PCDH15: variants seen among roughly 807,000 people sequenced by gnomAD.
The protein encoded by PCDH15 is protocadherin related 15, also known as protocadherin-15.
A neutral mutation model predicts 178.5 loss-of-function variants in PCDH15; 129 were observed. The observed-to-expected ratio is 0.72, with a 90% CI of 0.63 to 0.84. The LOEUF (loss-of-function observed/expected upper bound fraction) is 0.84. Ranked by LOEUF, PCDH15 falls within the 40% of genes least tolerant of loss-of-function variation. The pLI is 0.00. For synonymous variants in PCDH15, 800 were observed against 732.0 expected, an observed-to-expected ratio of 1.09 and a Z score of -1.50; for missense variants, 2,230 against 2,099.9, an observed-to-expected ratio of 1.06 and a Z score of -1.21.
At chr10:55,071,053 G>T (rs904352134) in intron 2 of PCDH15, among the ~76,000 whole-genome samples, 2 of 152,110 alleles carry the variant, frequency 1.3e-5, no homozygotes, top group Non-Finnish European at 2.9e-5. Flanking sequence ...AATGCTGAGA[G>T]ATTCTGTCAC....
At chr10:53,930,240 C>T (rs1042100449) in intron 25 of PCDH15, among the ~76,000 whole-genome samples, 3 of 151,822 alleles carry the variant, frequency 2.0e-5, no homozygotes, top group African/African-American at 4.8e-5. Context: ...GGGCAGATCA[C>T]GAGGTCAGGA....
At chr10:53,887,931 T>C (rs962241379) in intron 26 of PCDH15, among the ~76,000 whole-genome samples, 3 of 151,440 alleles carry the variant, frequency 2.0e-5, no homozygotes, top group Non-Finnish European at 4.4e-5. Flanking sequence ...AAACAAAAAC[T>C]AACTCCTAAA....
At chr10:55,147,285 T>C (rs1838545460) in intron 2 of PCDH15, among the ~76,000 whole-genome samples, 1 of 151,478 alleles carries the variant, frequency 6.6e-6, no homozygotes, top group South Asian at 2.1e-4. Flanking sequence ...AGAAAAGAAG[T>C]AAAATTAAGT....
intron 2 of PCDH15, among the ~76,000 whole-genome samples, chr10:54,952,246 CTGTT>C (rs1370541479): frequency 2.0e-5 from 3 of 151,904 alleles, no homozygotes; most frequent in African/African-American, 7.2e-5. Flanking sequence ...AGTTCCATCA[CTGTT>C]TGTTCAAAAG....
chr10:55,439,143 T>C (rs1839119079), intron 2 of PCDH15, among the ~76,000 whole-genome samples: 1 of 152,092 alleles, frequency 6.6e-6, no homozygotes, highest in African/African-American at 2.4e-5. Context: ...GACCTCGTGA[T>C]CCACCTGCCT....
chr10:55,073,011 C>T (rs187037945), intron 2 of PCDH15, among the ~76,000 whole-genome samples: 1 of 152,158 alleles, frequency 6.6e-6, no homozygotes, highest in Non-Finnish European at 1.5e-5. Flanking sequence ...ATGATTATCT[C>T]AAGAGATGCA....
intron 2 of PCDH15, among the ~76,000 whole-genome samples, chr10:55,448,599 A>T (rs1839367951): frequency 6.6e-6 from 1 of 152,020 alleles, no homozygotes; most frequent in Admixed American, 6.6e-5. Context: ...TATTGCAGAC[A>T]TCTGAATGGT....
At chr10:54,134,213 T>C (rs111503630) in intron 14 of PCDH15, among the ~76,000 whole-genome samples, 2,459 of 132,010 alleles carry the variant, frequency 0.019, 308 homozygotes, top group African/African-American at 0.061. Flanking sequence ...CTGGCTAATT[T>C]TTGTATTTTC....
intron 1 of PCDH15, among the ~76,000 whole-genome samples, chr10:55,217,442 T>C (rs1280068869): frequency 1.3e-5 from 2 of 151,956 alleles, no homozygotes; most frequent in African/African-American, 2.4e-5. Flanking sequence ...TTTATGTTTA[T>C]ATTTTCTATT....
At chr10:54,745,450 G>C (rs991029782) in intron 1 of PCDH15, among the ~76,000 whole-genome samples, 10 of 152,020 alleles carry the variant, frequency 6.6e-5, no homozygotes. Flanking sequence ...ACAGTTATAC[G>C]ATCTCTCTGA....
chr10:55,198,210 C>T lies in PCDH15; in HGVS notation c.-155-31559G>A, dbSNP rs146976166. 3.7e-3 allele frequency among the ~76,000 whole-genome samples: 562 copies of T among 152,198 alleles called. 9 individuals carry two copies. Among genetic ancestry groups the T allele is most frequent in the South Asian group, 0.02 (97 of 4,824 alleles). On this transcript the variant is annotated intron_variant, in intron 1 of 5. Transcript: ENST00000458638. ...CTCTTCAATAAACCACTATTATTCA[C>T]TCTCAGTTTAAGTAGTTCTACTGAG... is the stretch of plus-strand genomic sequence containing the variant.
intron 28 of PCDH15, among the ~76,000 whole-genome samples, chr10:53,846,411 T>A (rs1384948201): frequency 6.6e-6 from 1 of 151,942 alleles, no homozygotes; most frequent in Admixed American, 6.6e-5. Flanking sequence ...TTAATATAGC[T>A]AATACAAACA....
At chr10:54,883,460 G>A (rs2131808341) in intron 3 of PCDH15, among the ~76,000 whole-genome samples, 1 of 152,022 alleles carries the variant, frequency 6.6e-6, no homozygotes, top group Non-Finnish European at 1.5e-5. Context: ...ATTTAGTTCA[G>A]TTTGGAGAAT....
intron 8 of PCDH15, among the ~76,000 whole-genome samples, chr10:54,316,088 A>C (rs747825542): frequency 1.3e-5 from 2 of 151,336 alleles, no homozygotes; most frequent in Non-Finnish European, 2.9e-5. Flanking sequence ...GCCTGCAAAA[A>C]TACTTCATTT....
rs137922100 is a variant in PCDH15, at chr10:55,242,091, G to A, written c.-155-75440C>T. Among the ~76,000 whole-genome samples the A allele has an allele frequency of 4.3e-3, 655 of 152,274 alleles. 6 individuals are homozygous for A. The highest frequency in any genetic ancestry group is 0.014 in the African/African-American group (598 of 41,568). On this transcript the variant is annotated intron_variant, in intron 1 of 5. Transcript: ENST00000458638. ...GTATATAATAAAACATAGACTGCAC[G>A]TGCACATGACTAGTGAGGAGGCAGA...
At chr10:54,680,797 A>T (rs555816650) in intron 1 of PCDH15, among the ~76,000 whole-genome samples, 1 of 152,190 alleles carries the variant, frequency 6.6e-6, no homozygotes, top group Non-Finnish European at 1.5e-5. Context: ...CTCCCCAGCC[A>T]TGTGGAACTG....
chr10:55,271,343 T>C (rs986772384), intron 1 of PCDH15, among the ~76,000 whole-genome samples: 1 of 152,040 alleles, frequency 6.6e-6, no homozygotes, highest in Non-Finnish European at 1.5e-5. Context: ...GGTACCTTCA[T>C]GAATTAACTT....
At chr10:54,264,609 C>T (rs771620879) in intron 8 of PCDH15, among the ~76,000 whole-genome samples, 16 of 152,116 alleles carry the variant, frequency 1.1e-4, no homozygotes, top group African/African-American at 2.6e-4. Flanking sequence ...AAATAAATTT[C>T]GAAATACGGT....
intron 2 of PCDH15, among the ~76,000 whole-genome samples, chr10:55,095,953 A>G (rs1419384452): frequency 6.6e-6 from 1 of 152,106 alleles, no homozygotes; most frequent in African/African-American, 2.4e-5. Context: ...CTTTAGCTAG[A>G]TAATAGGATC....
Sources: allele counts gnomAD v4.1 joint callset (sites outside exome capture counted in the v4.1 genomes callset), GRCh38; gene constraint gnomAD v4.1.1; transcripts MANE v1.5; gene names NCBI Gene and HGNC (gene_info 2026-07-23, HGNC 2026-07-21).